The following NEDD4L variants were observed in gnomAD, a reference collection of about 807,000 sequenced individuals.
The protein encoded by NEDD4L is E3 ubiquitin-protein ligase NEDD4-like.
Under a neutral mutation model 148.9 loss-of-function variants are expected in NEDD4L, and 54 were observed. That is an observed-to-expected ratio of 0.36 (90% CI 0.29 to 0.45). The LOEUF is 0.45. Among genes scored for constraint, NEDD4L ranks in the 20% least tolerant of loss-of-function variants. NEDD4L has a pLI of 1.00. For missense variants in NEDD4L, 856 were observed against 1,233.8 expected (o/e 0.69, Z 4.59); for synonymous variants, 433 against 440.7 (o/e 0.98, Z 0.22).
intron 2 of NEDD4L, chr18:58,221,705 C>A (rs1212995353): frequency 1.0e-6 from 1 of 985,338 alleles, no homozygotes; most frequent in Non-Finnish European, 1.2e-6. Flanking sequence ...CAGCGCTAGT[C>A]CAGCTGAACA....
intron 2 of NEDD4L, among the ~76,000 whole-genome samples, chr18:58,238,665 C>T (rs957890591): frequency 6.6e-5 from 10 of 152,008 alleles, no homozygotes; most frequent in Non-Finnish European, 1.2e-4. Context: ...GTACCTTTTA[C>T]CAGTAAATAT....
At chr18:58,180,574 T>C (rs1188006462) in intron 2 of NEDD4L, among the ~76,000 whole-genome samples, 8 of 152,342 alleles carry the variant, frequency 5.3e-5, no homozygotes, top group South Asian at 2.1e-4. Context: ...CTTGGCTGAA[T>C]CTCTCCTCCT....
At chr18:58,328,526 T>A in intron 9 of NEDD4L, among the ~76,000 whole-genome samples, 1 of 152,220 alleles carries the variant, frequency 6.6e-6, no homozygotes, top group East Asian at 1.9e-4. Flanking sequence ...GATGACAGCT[T>A]TGAATTTGTC....
chr18:58,217,264 T>G (rs1041916916), intron 2 of NEDD4L, among the ~76,000 whole-genome samples: 1 of 152,202 alleles, frequency 6.6e-6, no homozygotes, highest in African/African-American at 2.4e-5. Context: ...CTGTGTTATG[T>G]AAAGATTTTT....
chr18:58,270,962 C>G (rs1048276569), intron 5 of NEDD4L, among the ~76,000 whole-genome samples: 1 of 152,058 alleles, frequency 6.6e-6, no homozygotes, highest in African/African-American at 2.4e-5. Flanking sequence ...TACTCTCGTC[C>G]TCCTGGAACG....
chr18:58,096,594 G>A (rs2084427826), intron 1 of NEDD4L, among the ~76,000 whole-genome samples: 1 of 151,774 alleles, frequency 6.6e-6, no homozygotes, highest in South Asian at 2.1e-4. Context: ...AGTAGAGATG[G>A]GGTTTTGCCA....
intron 1 of NEDD4L, among the ~76,000 whole-genome samples, chr18:58,099,033 A>G (rs997967248): frequency 2.0e-5 from 3 of 151,836 alleles, no homozygotes; most frequent in East Asian, 1.9e-4. Context: ...TGTGATGACT[A>G]TCTTTTTTCT....
At chr18:58,200,056 C>T (rs978384668) in intron 2 of NEDD4L, among the ~76,000 whole-genome samples, 1 of 152,188 alleles carries the variant, frequency 6.6e-6, no homozygotes, top group Non-Finnish European at 1.5e-5. Flanking sequence ...ATTTTGTTAA[C>T]AGATATAGTA....
intron 1 of NEDD4L, among the ~76,000 whole-genome samples, chr18:58,050,103 G>A (rs1223881610): frequency 6.6e-6 from 1 of 151,788 alleles, no homozygotes; most frequent in Non-Finnish European, 1.5e-5. Context: ...AAATCAGAAT[G>A]TTATGATTGT....
At chr18:58,307,482 C>T (rs1333093042) in intron 5 of NEDD4L, among the ~76,000 whole-genome samples, 2 of 152,216 alleles carry the variant, frequency 1.3e-5, no homozygotes, top group Non-Finnish European at 2.9e-5. Context: ...CCAATGCCTA[C>T]ATTGAGGCTG....
intron 1 of NEDD4L, among the ~76,000 whole-genome samples, chr18:58,081,698 C>G (rs2083442950): frequency 2.0e-5 from 3 of 152,088 alleles, no homozygotes; most frequent in Admixed American, 6.6e-5. Flanking sequence ...TGTTTTTCCA[C>G]TTTTGTTTCT....
intron 1 of NEDD4L, among the ~76,000 whole-genome samples, chr18:58,133,448 T>C (rs1431745366): frequency 6.6e-6 from 1 of 152,178 alleles, no homozygotes; most frequent in Non-Finnish European, 1.5e-5. Flanking sequence ...TGCATAGTTA[T>C]TATGCCAGAT....
At chr18:58,133,143 A>T (rs1029311663) in intron 1 of NEDD4L, among the ~76,000 whole-genome samples, 6 of 152,204 alleles carry the variant, frequency 3.9e-5, no homozygotes, top group African/African-American at 1.4e-4. Context: ...ACAGCTGGGA[A>T]TTGGATGTCT....
intron 22 of NEDD4L, 30 bp downstream of exon 22, chr18:58,367,897 G>A (rs1039853564): frequency 3.1e-6 from 5 of 1,612,682 alleles, no homozygotes; most frequent in Non-Finnish European, 3.4e-6. Flanking sequence ...AAATAGGTCA[G>A]TGCTGCTTGC....
At chr18:58,236,996 C>T (rs1287699971) in intron 2 of NEDD4L, among the ~76,000 whole-genome samples, 1 of 151,992 alleles carries the variant, frequency 6.6e-6, no homozygotes, top group East Asian at 1.9e-4. Context: ...GCACTCCAAC[C>T]TGGACACCAA....
chr18:58,190,012 T>C (rs921665913), intron 2 of NEDD4L: 2 of 152,242 alleles, frequency 1.3e-5, no homozygotes, highest in Admixed American at 6.5e-5. Context: ...CCAAATCGTT[T>C]TTAGGGAAAA....
intron 2 of NEDD4L, among the ~76,000 whole-genome samples, chr18:58,177,281 AAG>A (rs1424328631): frequency 6.6e-6 from 1 of 152,168 alleles, no homozygotes; most frequent in Non-Finnish European, 1.5e-5. Flanking sequence ...GAAGGGTAGA[AAG>A]AGTGTAAGAA....
At chr18:58,307,171 G>A (rs939817102) in intron 5 of NEDD4L, among the ~76,000 whole-genome samples, 5 of 152,090 alleles carry the variant, frequency 3.3e-5, no homozygotes, top group Admixed American at 1.3e-4. Flanking sequence ...TGACCGACCC[G>A]CACACTGGGA....
intron 5 of NEDD4L, among the ~76,000 whole-genome samples, chr18:58,298,995 C>T (rs898250085): frequency 2.6e-5 from 4 of 152,194 alleles, no homozygotes; most frequent in Admixed American, 2.0e-4. Context: ...TCACATCCCT[C>T]GAATGTTTGC....
Sources: allele counts gnomAD v4.1 joint callset (sites outside exome capture counted in the v4.1 genomes callset), GRCh38; gene constraint gnomAD v4.1.1; transcripts MANE v1.5; gene names NCBI Gene and HGNC (gene_info 2026-07-23, HGNC 2026-07-21).